Variants in SNTG1 observed in about 807,000 individuals in gnomAD.
SNTG1 encodes the protein gamma-1-syntrophin.
Under a neutral mutation model 74.7 loss-of-function variants are expected in SNTG1, and 39 were observed. The observed-to-expected ratio is 0.52, with a 90% CI of 0.40 to 0.68. The LOEUF is 0.68. Among genes scored for constraint, SNTG1 ranks in the 30% least tolerant of loss-of-function variants. The pLI, the probability that SNTG1 is intolerant of heterozygous loss-of-function variation, is 0.00. For missense variants in SNTG1, 685 were observed against 609.5 expected (o/e 1.12, Z -1.30); for synonymous variants, 254 against 217.1 (o/e 1.17, Z -1.49).
intron 2 of SNTG1, among the ~76,000 whole-genome samples, chr8:50,288,937 T>TATTA (rs1469548887): frequency 1.3e-5 from 2 of 152,168 alleles, no homozygotes; most frequent in East Asian, 3.9e-4. Flanking sequence ...TAAGGTTAAA[T>TATTA]GTGTTTACTA....
rs768808355 is a variant in SNTG1, at chr8:50,449,725, G to T, written c.277G>T (p.Ala93Ser). 2.5e-6 allele frequency: 4 copies of T among 1,590,538 alleles called. No individual in the cohort carries two copies. The highest frequency in any genetic ancestry group is 3.4e-6 in the Non-Finnish European group (4 of 1,166,638). Residue 93 changes from alanine to serine, a missense_variant and splice_region_variant, in exon 6 of 19, where the codon GCG (alanine) becomes TCG (serine). By Grantham distance (99) the Ala-to-Ser change is moderately conservative. Coordinates refer to ENST00000642720, the MANE Select transcript of SNTG1 (RefSeq NM_018967.5). ...TTCAAAAATCTCCAAGGAACAAAGA[G>T]GTAATATGTTTAGAGAATTGTGTAC... ...VVSKISKEQR[A>S]ELSGLLFIGD...
intron 1 of SNTG1, among the ~76,000 whole-genome samples, chr8:50,160,291 T>C (rs768464029): frequency 9.8e-5 from 15 of 152,328 alleles, no homozygotes; most frequent in South Asian, 6.2e-4. Context: ...CTTTCAATAA[T>C]ATCTGAAATT....
chr8:50,108,298 T>C (rs1348433018), intron 1 of SNTG1, among the ~76,000 whole-genome samples: 1 of 152,130 alleles, frequency 6.6e-6, no homozygotes, highest in Admixed American at 6.6e-5. Flanking sequence ...TAAAATCAAG[T>C]TGCTGTTAGG....
In SNTG1 at chr8:50,697,183, G is replaced by A. The variant is rs189800516; in HGVS notation, c.1039-7417G>A. On this transcript the variant is annotated intron_variant, in intron 15 of 18. Coordinates refer to ENST00000642720, the MANE Select transcript of SNTG1 (RefSeq NM_018967.5). Reference sequence around the variant, plus strand: ...CCTCCTTGCTTAAATGTATTTCCGGGTTTTTTTGGAAGTTATTATAAATAA... The same window carrying A: ...CCTCCTTGCTTAAATGTATTTCCGGATTTTTTTGGAAGTTATTATAAATAA... 8.7e-3 allele frequency among the ~76,000 whole-genome samples: 1,324 copies of A among 151,826 alleles called. 27 individuals carry two copies. Among genetic ancestry groups the A allele is most frequent in the African/African-American group, 0.03 (1,231 of 41,462 alleles).
At chr8:50,755,244 G>T (rs2131714007) in intron 18 of SNTG1, among the ~76,000 whole-genome samples, 1 of 151,500 alleles carries the variant, frequency 6.6e-6, no homozygotes, top group South Asian at 2.1e-4. Flanking sequence ...AACATCTTTT[G>T]AGCTCTTCCT....
intron 15 of SNTG1, among the ~76,000 whole-genome samples, chr8:50,693,668 C>T (rs1047841407): frequency 5.3e-5 from 8 of 152,144 alleles, no homozygotes; most frequent in Admixed American, 5.2e-4. Context: ...ACACATTCTG[C>T]TCAAGCACAT....
intron 2 of SNTG1, among the ~76,000 whole-genome samples, chr8:50,257,095 A>C (rs1029976191): frequency 6.6e-6 from 1 of 151,774 alleles, no homozygotes; most frequent in Non-Finnish European, 1.5e-5. Context: ...GCAGAAGCAC[A>C]CCCACCAGCA....
At chr8:50,640,949 C>T (rs1284335700) in intron 13 of SNTG1, among the ~76,000 whole-genome samples, 3 of 152,164 alleles carry the variant, frequency 2.0e-5, no homozygotes, top group African/African-American at 7.2e-5. Flanking sequence ...GCGCATTCAT[C>T]TTATGTCACT....
intron 17 of SNTG1, among the ~76,000 whole-genome samples, chr8:50,751,393 C>T (rs950488827): frequency 3.3e-5 from 5 of 152,034 alleles, no homozygotes; most frequent in African/African-American, 9.7e-5. Flanking sequence ...GCCAATTTCA[C>T]CTTTTATATC....
In SNTG1 at chr8:50,491,564, C is replaced by G. The variant is rs558250402; in HGVS notation, c.364-11214C>G. 16 of 152,392 alleles carry G rather than the reference C, an allele frequency of 1.0e-4. No individual in the cohort carries two copies. In the East Asian group the frequency reaches 2.7e-3, roughly 26 times the overall value. The allele number at this position is 152,392 out of a possible 1,614,324, so 9.4% of individuals were successfully genotyped here. ...GAGCTGGCGGTCAGCAGCCCCTTAG[C>G]TCCCATGCCCATCGGAGTACGTGCG... On this transcript the variant is annotated intron_variant, in intron 8 of 18. Coordinates refer to ENST00000642720, the MANE Select transcript of SNTG1 (RefSeq NM_018967.5).
chr8:50,604,999 G>C (rs1462473267), intron 13 of SNTG1, among the ~76,000 whole-genome samples: 2 of 152,172 alleles, frequency 1.3e-5, no homozygotes, highest in African/African-American at 2.4e-5. Flanking sequence ...CTTCAAGGCA[G>C]TGGGTTTCCT....
intron 2 of SNTG1, among the ~76,000 whole-genome samples, chr8:50,208,592 G>T (rs1203934133): frequency 1.3e-5 from 2 of 152,176 alleles, no homozygotes; most frequent in African/African-American, 4.8e-5. Context: ...CTGTGAATTT[G>T]ATCCTGTCAT....
intron 1 of SNTG1, among the ~76,000 whole-genome samples, chr8:49,997,889 C>T (rs1814381347): frequency 6.6e-6 from 1 of 152,148 alleles, no homozygotes; most frequent in Non-Finnish European, 1.5e-5. Context: ...CACCTGAAGT[C>T]TAGACGCATA....
At chr8:50,770,634 G>A (rs1316279729) in intron 18 of SNTG1, among the ~76,000 whole-genome samples, 1 of 152,024 alleles carries the variant, frequency 6.6e-6, no homozygotes, top group East Asian at 1.9e-4. Flanking sequence ...TTTTAATATG[G>A]CTTCTCCCCT....
intron 2 of SNTG1, among the ~76,000 whole-genome samples, chr8:50,217,500 C>A (rs779781855): frequency 6.6e-6 from 1 of 151,966 alleles, no homozygotes; most frequent in Non-Finnish European, 1.5e-5. Context: ...AATGTTCTTA[C>A]CTTAAGTCTG....
At chr8:50,584,512 CTTTTTTTT>C (rs34546157) in intron 12 of SNTG1, among the ~76,000 whole-genome samples, 1 of 126,806 alleles carries the variant, frequency 7.9e-6, no homozygotes, top group African/African-American at 3.0e-5. Flanking sequence ...TTCTCTGATT[CTTTTTTTT>C]TTTTTTTTTT....
At chr8:50,342,282 C>T (rs1451088347) in intron 2 of SNTG1, among the ~76,000 whole-genome samples, 1 of 151,698 alleles carries the variant, frequency 6.6e-6, no homozygotes, top group Non-Finnish European at 1.5e-5. Context: ...TACTTAAGCA[C>T]AGTTGTGAAA....
At chr8:50,383,158 C>G (rs764511168) in intron 2 of SNTG1, among the ~76,000 whole-genome samples, 20 of 152,188 alleles carry the variant, frequency 1.3e-4, no homozygotes, top group Non-Finnish European at 2.5e-4. Flanking sequence ...CACCCTTTGT[C>G]AACGTAACAT....
intron 2 of SNTG1, among the ~76,000 whole-genome samples, chr8:50,316,857 A>G (rs1030052634): frequency 6.6e-6 from 1 of 152,204 alleles, no homozygotes; most frequent in Admixed American, 6.5e-5. Flanking sequence ...CCAAAATTCC[A>G]GTAATAGTGG....
Sources: allele counts gnomAD v4.1 joint callset (sites outside exome capture counted in the v4.1 genomes callset), GRCh38; gene constraint gnomAD v4.1.1; transcripts MANE v1.5; gene names NCBI Gene and HGNC (gene_info 2026-07-23, HGNC 2026-07-21).